The following ZPBP variants were observed in gnomAD, a reference collection of about 807,000 sequenced individuals.
The protein encoded by ZPBP is zona pellucida binding protein, also known as zona pellucida-binding protein 1.
Under a neutral mutation model 44.8 loss-of-function variants are expected in ZPBP, and 26 were observed. That is an observed-to-expected ratio of 0.58 (90% CI 0.43 to 0.81). ZPBP has a LOEUF of 0.81. ZPBP is among the 30% of genes least tolerant of loss of function. The probability of loss-of-function intolerance (pLI) is 0.00; values close to 1 mark genes in which losing one functional copy is unlikely to be tolerated. For missense variants in ZPBP, 409 were observed against 434.0 expected (o/e 0.94, Z 0.51); for synonymous variants, 174 against 153.2 (o/e 1.14, Z -1.00).
chr7:49,968,579 C>T (rs569225858), intron 7 of ZPBP, among the ~76,000 whole-genome samples: 15 of 152,062 alleles, frequency 9.9e-5, no homozygotes, highest in South Asian at 2.1e-4. Context: ...AAATTACTGA[C>T]GTAAGTACAA....
At chr7:49,996,668 TTGAGG>T (rs1386933002) in intron 6 of ZPBP, among the ~76,000 whole-genome samples, 10 of 152,208 alleles carry the variant, frequency 6.6e-5, no homozygotes, top group African/African-American at 2.4e-4. Context: ...TAGGAACTGA[TTGAGG>T]TGACTTGATC....
At chr7:49,997,867 A>ACC (rs1562833286) in intron 6 of ZPBP, among the ~76,000 whole-genome samples, 1 of 151,910 alleles carries the variant, frequency 6.6e-6, no homozygotes, top group Non-Finnish European at 1.5e-5. Context: ...TCCCCATCCC[A>ACC]CCTTAAAGGA....
At position 49,871,242 on chromosome 7, in the gene ZPBP, T is replaced by TA. The variant is rs747406301; in HGVS notation, n.510-20729dup. Among the ~76,000 whole-genome samples, 4 of 152,226 alleles carry TA rather than the reference T, an allele frequency of 2.6e-5. No homozygotes were observed. The East Asian group carries it at 7.7e-4, about 29-fold the overall frequency. On this transcript the variant is annotated intron_variant and non_coding_transcript_variant, in intron 2 of 2. Coordinates refer to the ZPBP transcript ENST00000465922. ...ATGAGGCTTCTTACAGCCTTCCATG[T>TA]AAAAAATTGGGCATTTTTGCCTAAA...
At chr7:49,888,526 A>G (rs1260416534) in intron 2 of ZPBP, among the ~76,000 whole-genome samples, 1 of 152,194 alleles carries the variant, frequency 6.6e-6, no homozygotes, top group Non-Finnish European at 1.5e-5. Flanking sequence ...GTTCAGAAGG[A>G]CTGGCTTCAG....
rs1799781095 is a variant in ZPBP, at chr7:50,035,336, G to A, written c.488-4026C>T. On this transcript the variant is annotated intron_variant, in intron 4 of 7. Coordinates refer to ENST00000046087, the MANE Select transcript of ZPBP (RefSeq NM_007009.3). ...TTTTCAGCAGTGTCTCAACTAAGAA[G>A]TTATTCAATTGCCAGCACAGTTCAA... 1.3e-5 allele frequency among the ~76,000 whole-genome samples: 2 copies of A among 152,222 alleles called. 1 individual carries two copies. Among genetic ancestry groups the A allele is most frequent in the South Asian group, 4.1e-4 (2 of 4,826 alleles).
At chr7:50,076,401 T>G (rs539155978) in intron 3 of ZPBP, among the ~76,000 whole-genome samples, 22 of 152,100 alleles carry the variant, frequency 1.4e-4, no homozygotes, top group Middle Eastern at 6.8e-3. Flanking sequence ...AACATAGTGC[T>G]GGAAGTCCTG....
intron 3 of ZPBP, among the ~76,000 whole-genome samples, chr7:50,070,376 T>C (rs1207258323): frequency 1.3e-5 from 2 of 152,220 alleles, no homozygotes; most frequent in Non-Finnish European, 2.9e-5. Context: ...CTTCAGTTCC[T>C]GAAGTGCTGG....
chr7:49,938,924 T>C (rs1453392716), intron 7 of ZPBP, among the ~76,000 whole-genome samples: 1 of 152,248 alleles, frequency 6.6e-6, no homozygotes, highest in Non-Finnish European at 1.5e-5. Flanking sequence ...GGAAATATTT[T>C]ACCATTTTTT....
chr7:49,943,147 A>G, intron 7 of ZPBP: 1 of 319,526 alleles, frequency 3.1e-6, no homozygotes, highest in Non-Finnish European at 6.2e-6. Context: ...CCCTTTAGTA[A>G]CTTCCCAGTC....
At chr7:49,865,348 T>TAAA (rs1790834105) in intron 2 of ZPBP, among the ~76,000 whole-genome samples, 1 of 152,256 alleles carries the variant, frequency 6.6e-6, no homozygotes, top group Non-Finnish European at 1.5e-5. Context: ...TACTGAAGTG[T>TAAA]GTAACCCTCA....
At chr7:49,931,475 C>G (rs553980204) in intron 1 of ZPBP, among the ~76,000 whole-genome samples, 8 of 152,332 alleles carry the variant, frequency 5.3e-5, no homozygotes, top group African/African-American at 1.9e-4. Context: ...GTAAAAGTCA[C>G]TCTTGCTATG....
At chr7:50,065,429 G>A (rs1801456372) in intron 3 of ZPBP, among the ~76,000 whole-genome samples, 2 of 150,932 alleles carry the variant, frequency 1.3e-5, no homozygotes, top group South Asian at 2.1e-4. Context: ...TCTCCGTAGA[G>A]TTTTGTTATT....
intron 5 of ZPBP, among the ~76,000 whole-genome samples, chr7:50,024,611 A>C (rs940073068): frequency 6.6e-6 from 1 of 151,960 alleles, no homozygotes; most frequent in Admixed American, 6.6e-5. Context: ...CTTTAAGAAA[A>C]AAAACATTGA....
chr7:49,854,332 A>G (rs539878391), intron 2 of ZPBP, among the ~76,000 whole-genome samples: 23 of 152,330 alleles, frequency 1.5e-4, no homozygotes, highest in African/African-American at 5.1e-4. Context: ...CCCACCAACA[A>G]TGTAAACGTG....
intron 4 of ZPBP, among the ~76,000 whole-genome samples, chr7:50,045,827 CCA>C (rs1666838569): frequency 6.6e-6 from 1 of 151,948 alleles, no homozygotes; most frequent in Admixed American, 6.6e-5. Flanking sequence ...AAAAAGGAGC[CCA>C]TATAGCCAAG....
chr7:49,858,627 C>T (rs1790523811), intron 2 of ZPBP, among the ~76,000 whole-genome samples: 2 of 151,476 alleles, frequency 1.3e-5, no homozygotes, highest in African/African-American at 2.4e-5. Context: ...ATGGGTGCAG[C>T]ACACCAACAC....
In ZPBP at chr7:49,954,575, G is replaced by A. The variant is rs573311474; in HGVS notation, c.962-16953C>T. Among the ~76,000 whole-genome samples, 12 of 152,178 alleles carry A rather than the reference G, an allele frequency of 7.9e-5. 1 individual carries two copies. The South Asian group carries it at 2.5e-3, about 32-fold the overall frequency. ...ATAAACACTAAACATAAGAAAGCTGGAATGGTTTTATATTAATATCTAACA... is the reference window on the plus strand; with the variant it reads ...ATAAACACTAAACATAAGAAAGCTGAAATGGTTTTATATTAATATCTAACA... On this transcript the variant is annotated intron_variant, in intron 7 of 7. Coordinates refer to ENST00000046087, the MANE Select transcript of ZPBP (RefSeq NM_007009.3).
intron 2 of ZPBP, among the ~76,000 whole-genome samples, chr7:49,865,506 T>C (rs1295389873): frequency 1.3e-5 from 2 of 152,238 alleles, no homozygotes; most frequent in Non-Finnish European, 2.9e-5. Flanking sequence ...TGGGCTGGTG[T>C]GGTCTCTGGC....
In ZPBP at chr7:49,942,212, C is replaced by A. The variant is rs1437637810; in HGVS notation, c.962-4590G>T. The A allele has an allele frequency of 1.9e-5, 3 of 158,518 alleles. No homozygotes were observed. The South Asian group carries it at 5.4e-4, about 29-fold the overall frequency. The allele number at this position is 158,518 out of a possible 1,614,324, so 9.8% of individuals were successfully genotyped here. A position where few individuals can be genotyped will look rare whatever the true frequency, so the allele number is the denominator to read the frequency against. On this transcript the variant is annotated intron_variant, in intron 7 of 7. Transcript: ENST00000046087. ...TTTTACAATGATTTCTCTTTTTTTG[C>A]ATATTTTTGTATAATACACAACCTT...
Sources: gnomAD v4.1 joint callset for allele counts (sites outside exome capture counted in the v4.1 genomes callset) on GRCh38, gnomAD v4.1.1 for gene constraint, MANE v1.5 for transcripts, NCBI Gene and HGNC (gene_info 2026-07-23, HGNC 2026-07-21) for gene names.